The following SAMSN1 variants were observed in gnomAD, a reference collection of about 807,000 sequenced individuals.
SAMSN1 encodes SAM domain-containing protein SAMSN-1.
Under a neutral mutation model 42.0 loss-of-function variants are expected in SAMSN1, and 31 were observed. The ratio of observed to expected loss-of-function variants is 0.74; its 90% CI spans 0.55 to 1.00. The LOEUF (loss-of-function observed/expected upper bound fraction) is 1.00. Among genes scored for constraint, SAMSN1 ranks in the 50% least tolerant of loss-of-function variants. The pLI is 0.00. For missense variants in SAMSN1, 464 were observed against 439.4 expected (o/e 1.06, Z -0.50); for synonymous variants, 178 against 151.9 (o/e 1.17, Z -1.26).
At chr21:14,562,205 G>T (rs977544899) in intron 2 of SAMSN1, among the ~76,000 whole-genome samples, 1 of 152,212 alleles carries the variant, frequency 6.6e-6, no homozygotes, top group African/African-American at 2.4e-5. Flanking sequence ...TTAGATAAAA[G>T]GCACTGGCTG....
At chr21:14,649,502 G>A (rs1397730512) in intron 1 of SAMSN1, among the ~76,000 whole-genome samples, 3 of 151,944 alleles carry the variant, frequency 2.0e-5, no homozygotes, top group Non-Finnish European at 2.9e-5. Context: ...GGGTGCAGTG[G>A]GTCACATCTG....
chr21:14,549,940 CTCTT>C (rs986514433), upstream of SAMSN1, among the ~76,000 whole-genome samples: 398 of 143,644 alleles, frequency 2.8e-3, 1 homozygote, highest in African/African-American at 0.01. Context: ...AAAAAAAAAA[CTCTT>C]TCTTTCTCAG....
rs559500477 is a variant in SAMSN1, at chr21:14,605,944, C to T, written c.322+3538G>A. On this transcript the variant is annotated intron_variant, in intron 5 of 15. Transcript: ENST00000647101. ...GCAAGCTCCGCCTCCCAGGTTCACGCCATTCTCCTTCCTCAGCCTCCCTAG... is the reference window on the plus strand; with the variant it reads ...GCAAGCTCCGCCTCCCAGGTTCACGTCATTCTCCTTCCTCAGCCTCCCTAG... Among the ~76,000 whole-genome samples, 11 of 151,946 alleles carry T rather than the reference C, an allele frequency of 7.2e-5. No individual in the cohort carries two copies. The East Asian group carries it at 2.1e-3, about 29-fold the overall frequency.
intron 5 of SAMSN1, among the ~76,000 whole-genome samples, chr21:14,603,592 T>C (rs1982493288): frequency 6.6e-6 from 1 of 152,148 alleles, no homozygotes; most frequent in Non-Finnish European, 1.5e-5. Flanking sequence ...GTGTAGAGAT[T>C]GAGGCTGGTT....
chr21:14,617,308 C>G (rs1982864859), intron 2 of SAMSN1, among the ~76,000 whole-genome samples: 1 of 152,156 alleles, frequency 6.6e-6, no homozygotes, highest in Non-Finnish European at 1.5e-5. Context: ...TAAAAGTATG[C>G]AATCTCTATT....
intron 2 of SAMSN1, among the ~76,000 whole-genome samples, chr21:14,580,590 G>A (rs1479717172): frequency 3.3e-5 from 5 of 152,128 alleles, no homozygotes; most frequent in Non-Finnish European, 7.4e-5. Flanking sequence ...AGAAGAAGGA[G>A]GATATTTAGA....
rs1465820059 is a variant in SAMSN1, at chr21:14,546,195, A to G, written c.57+10T>C. The G allele has an allele frequency of 6.2e-7, 1 of 1,609,524 alleles. No individual in the cohort carries two copies. Among genetic ancestry groups the G allele is most frequent in the Non-Finnish European group, 8.5e-7 (1 of 1,176,626 alleles). On this transcript the variant is annotated intron_variant, in intron 1 of 7. Transcript: ENST00000400566. Reference sequence around the variant, plus strand: ...TTGATTTTATTTAACTATGTATGAAATCACCTTACCTTTGGTTTTTGATGT... The same window carrying G: ...TTGATTTTATTTAACTATGTATGAAGTCACCTTACCTTTGGTTTTTGATGT...
At chr21:14,597,314 A>G (rs1982298922) in intron 6 of SAMSN1, among the ~76,000 whole-genome samples, 1 of 152,150 alleles carries the variant, frequency 6.6e-6, no homozygotes, top group African/African-American at 2.4e-5. Context: ...CATTTTGTCC[A>G]TTCTACACGC....
intron 1 of SAMSN1, chr21:14,523,351 CG>C (rs1053508160): frequency 2.0e-5 from 3 of 152,292 alleles, no homozygotes; most frequent in Non-Finnish European, 4.4e-5. Flanking sequence ...ACACAATTAA[CG>C]CCTTTTGCTG....
At chr21:14,646,014 T>A (rs1169769214) in intron 1 of SAMSN1, among the ~76,000 whole-genome samples, 2 of 152,128 alleles carry the variant, frequency 1.3e-5, no homozygotes, top group East Asian at 3.8e-4. Context: ...AACTACAGGA[T>A]CTAGAAAATT....
At chr21:14,532,572 G>A (rs749460732) in intron 1 of SAMSN1, among the ~76,000 whole-genome samples, 2 of 152,112 alleles carry the variant, frequency 1.3e-5, no homozygotes, top group Non-Finnish European at 2.9e-5. Flanking sequence ...TAGCAGAGTT[G>A]AAATATAAGA....
chr21:14,541,048 G>A (rs560488420), intron 1 of SAMSN1, among the ~76,000 whole-genome samples: 7 of 149,392 alleles, frequency 4.7e-5, no homozygotes, highest in Non-Finnish European at 1.5e-5. Context: ...ACCAAACACC[G>A]CATGTTCTCA....
At chr21:14,571,906 C>T (rs1981314541) in intron 2 of SAMSN1, among the ~76,000 whole-genome samples, 1 of 152,110 alleles carries the variant, frequency 6.6e-6, no homozygotes, top group African/African-American at 2.4e-5. Flanking sequence ...GAGTTAGCTC[C>T]AGCTTTCTTA....
intron 2 of SAMSN1, among the ~76,000 whole-genome samples, chr21:14,552,540 A>G (rs1299063130): frequency 6.6e-6 from 1 of 152,094 alleles, no homozygotes; most frequent in Non-Finnish European, 1.5e-5. Flanking sequence ...GGTGCCATCT[A>G]TGACCCAGGA....
At chr21:14,502,184 T>C (rs142003970) in intron 5 of SAMSN1, among the ~76,000 whole-genome samples, 1 of 152,320 alleles carries the variant, frequency 6.6e-6, no homozygotes, top group East Asian at 1.9e-4. Context: ...CTTGTAATGG[T>C]ATAATTCACC....
intron 5 of SAMSN1, among the ~76,000 whole-genome samples, chr21:14,608,065 A>G (rs1045624570): frequency 2.8e-4 from 43 of 152,342 alleles, no homozygotes; most frequent in African/African-American, 9.4e-4. Context: ...GTGGCTGAAT[A>G]GAACCCTCAG....
At chr21:14,523,233 T>C (rs551242995) in intron 1 of SAMSN1, 1 of 152,304 alleles carries the variant, frequency 6.6e-6, no homozygotes, top group African/African-American at 2.4e-5. Context: ...AAGATTTTTG[T>C]TTCCCTTTTA....
At chr21:14,612,564 A>G in intron 4 of SAMSN1, 2 of 491,812 alleles carry the variant, frequency 4.1e-6, no homozygotes, top group East Asian at 5.7e-5. Flanking sequence ...ATCTCTAACA[A>G]GTCACCTTGA....
At chr21:14,607,420 A>G (rs764834571) in intron 5 of SAMSN1, among the ~76,000 whole-genome samples, 3 of 152,222 alleles carry the variant, frequency 2.0e-5, no homozygotes, top group Non-Finnish European at 4.4e-5. Flanking sequence ...TTCAATTTAT[A>G]ATGTTACAGA....
Sources: gnomAD v4.1 joint callset for allele counts (sites outside exome capture counted in the v4.1 genomes callset) on GRCh38, gnomAD v4.1.1 for gene constraint, MANE v1.5 for transcripts, NCBI Gene and HGNC (gene_info 2026-07-23, HGNC 2026-07-21) for gene names.